ASIC2: variants seen among roughly 807,000 people sequenced by gnomAD.
ASIC2 encodes the protein acid sensing ion channel subunit 2, also known as acid-sensing ion channel 2.
In ASIC2, 25 loss-of-function variants were observed where a neutral mutation model predicts 57.3. The observed-to-expected ratio is 0.44, with a 90% confidence interval of 0.32 to 0.61. The LOEUF is 0.61. Among genes scored for constraint, ASIC2 ranks in the 20% least tolerant of loss-of-function variants. The probability of loss-of-function intolerance (pLI) is 0.06; values close to 1 mark genes in which losing one functional copy is unlikely to be tolerated. For missense variants in ASIC2, 641 were observed against 738.1 expected (o/e 0.87, Z 1.52); for synonymous variants, 319 against 307.5 (o/e 1.04, Z -0.39).
chr17:33,834,909 C>T (rs1265648854), intron 1 of ASIC2, among the ~76,000 whole-genome samples: 1 of 152,030 alleles, frequency 6.6e-6, no homozygotes, highest in African/African-American at 2.4e-5. Context: ...ACACCTAGGA[C>T]AGTATTCCAA....
chr17:33,370,495 G>C (rs1343365884), intron 1 of ASIC2, among the ~76,000 whole-genome samples: 2 of 152,204 alleles, frequency 1.3e-5, no homozygotes, highest in Admixed American at 1.3e-4. Flanking sequence ...GCAAGCAAAG[G>C]CTGGAGGGGA....
intron 1 of ASIC2, among the ~76,000 whole-genome samples, chr17:33,678,485 AG>A (rs1405918365): frequency 1.3e-5 from 2 of 151,082 alleles, no homozygotes; most frequent in Admixed American, 1.3e-4. Context: ...TGTAGAGGTG[AG>A]GGTGTCACAG....
At chr17:34,082,227 A>T (rs1030815592) in intron 1 of ASIC2, 2 of 151,978 alleles carry the variant, frequency 1.3e-5, no homozygotes, top group Non-Finnish European at 2.9e-5. Context: ...TGAATGCTCC[A>T]CTCTACCTCC....
intron 1 of ASIC2, among the ~76,000 whole-genome samples, chr17:34,043,224 G>T (rs1421677150): frequency 6.6e-6 from 1 of 152,164 alleles, no homozygotes; most frequent in Non-Finnish European, 1.5e-5. Flanking sequence ...ATTTATGGTG[G>T]TATCCTCTTA....
intron 1 of ASIC2, among the ~76,000 whole-genome samples, chr17:33,616,090 G>C (rs1905593642): frequency 6.6e-6 from 1 of 152,196 alleles, no homozygotes; most frequent in Non-Finnish European, 1.5e-5. Flanking sequence ...TGGCTCTGCT[G>C]GGGTCTCTGT....
At chr17:33,440,293 G>A (rs557464869) in intron 1 of ASIC2, among the ~76,000 whole-genome samples, 1 of 152,308 alleles carries the variant, frequency 6.6e-6, no homozygotes, top group South Asian at 2.1e-4. Context: ...GTTGGATGTA[G>A]CATGTACCAG....
At chr17:33,550,049 G>A (rs1043258701) in intron 1 of ASIC2, among the ~76,000 whole-genome samples, 4 of 152,050 alleles carry the variant, frequency 2.6e-5, no homozygotes, top group East Asian at 1.9e-4. Context: ...CTCCTTATCC[G>A]AGCACAGTGG....
chr17:33,627,412 T>C (rs1288888615), intron 1 of ASIC2: 2 of 152,280 alleles, frequency 1.3e-5, no homozygotes, highest in African/African-American at 2.4e-5. Context: ...AATAAATGCT[T>C]CTCAAATAAA....
chr17:33,227,965 G>T (rs1399245984), intron 1 of ASIC2, among the ~76,000 whole-genome samples: 1 of 152,200 alleles, frequency 6.6e-6, no homozygotes, highest in Non-Finnish European at 1.5e-5. Context: ...GAAGTAGAGA[G>T]ATGAGAGAGG....
At chr17:33,585,983 A>G (rs1369937270) in intron 1 of ASIC2, among the ~76,000 whole-genome samples, 2 of 152,162 alleles carry the variant, frequency 1.3e-5, no homozygotes, top group African/African-American at 4.8e-5. Flanking sequence ...GGGAAGAAGG[A>G]TGGCGGAGTG....
intron 1 of ASIC2, among the ~76,000 whole-genome samples, chr17:33,503,665 G>A (rs528121796): frequency 6.6e-6 from 1 of 152,240 alleles, no homozygotes; most frequent in East Asian, 1.9e-4. Flanking sequence ...CTCAGTGAGT[G>A]GTTGGATTAG....
intron 1 of ASIC2, chr17:34,142,954 C>G (rs1912311554): frequency 6.6e-6 from 1 of 152,186 alleles, no homozygotes; most frequent in African/African-American, 2.4e-5. Flanking sequence ...AGAGACTTCT[C>G]CAGGTTCTCT....
chr17:33,981,038 C>T lies in ASIC2; in HGVS notation c.555+174940G>A, dbSNP rs1274321856. ...GCAACCTCTGCCTCCTGGGTTCAAG[C>T]AACTCCACTGCCTCAGCCTCCCAAG... On this transcript the variant is annotated intron_variant, in intron 1 of 9. Transcript: ENST00000359872. Among the ~76,000 whole-genome samples, 4 of 151,366 alleles carry T rather than the reference C, an allele frequency of 2.6e-5. No individual in the cohort carries two copies. The South Asian group carries it at 8.4e-4, about 32-fold the overall frequency.
chr17:33,576,372 A>C (rs1916621251), intron 1 of ASIC2, among the ~76,000 whole-genome samples: 1 of 152,204 alleles, frequency 6.6e-6, no homozygotes, highest in African/African-American at 2.4e-5. Context: ...TAATTCAGGT[A>C]TAGATGTGAC....
At chr17:33,453,864 A>G (rs990077097) in intron 1 of ASIC2, among the ~76,000 whole-genome samples, 23 of 152,334 alleles carry the variant, frequency 1.5e-4, no homozygotes, top group Admixed American at 1.0e-3. Flanking sequence ...AGAATTTTAT[A>G]TAAATGGCAT....
intron 1 of ASIC2, among the ~76,000 whole-genome samples, chr17:33,270,376 T>G (rs1904435774): frequency 6.6e-6 from 1 of 152,184 alleles, no homozygotes; most frequent in East Asian, 1.9e-4. Context: ...CTCCTTGCCT[T>G]GGACTAGACC....
At chr17:33,840,594 G>T (rs1445046543) in intron 1 of ASIC2, among the ~76,000 whole-genome samples, 1 of 152,158 alleles carries the variant, frequency 6.6e-6, no homozygotes, top group Admixed American at 6.5e-5. Flanking sequence ...GTTAATCAAA[G>T]GTTTTAGAAG....
intron 1 of ASIC2, among the ~76,000 whole-genome samples, chr17:33,516,586 A>G (rs912290422): frequency 6.6e-6 from 1 of 152,174 alleles, no homozygotes; most frequent in Admixed American, 6.5e-5. Flanking sequence ...GGACATTGGG[A>G]ATTTTATTAG....
chr17:33,426,386 C>T (rs1047518939), intron 1 of ASIC2, among the ~76,000 whole-genome samples: 2 of 152,168 alleles, frequency 1.3e-5, no homozygotes, highest in Non-Finnish European at 2.9e-5. Context: ...CTATAAGAGC[C>T]CTCTGTACCA....
Sources: allele counts gnomAD v4.1 joint callset (sites outside exome capture counted in the v4.1 genomes callset), GRCh38; gene constraint gnomAD v4.1.1; transcripts MANE v1.5; gene names NCBI Gene and HGNC (gene_info 2026-07-23, HGNC 2026-07-21).